LAMA1: variants seen among roughly 807,000 people sequenced by gnomAD.
LAMA1 encodes laminin subunit alpha-1.
LAMA1 carries 219 observed loss-of-function variants against 348.7 expected under a neutral mutation model. The ratio of observed to expected loss-of-function variants is 0.63; its 90% CI spans 0.56 to 0.70. The LOEUF (loss-of-function observed/expected upper bound fraction) is 0.70, where lower values mean the gene tolerates loss of function less well. LAMA1 is among the 30% of genes least tolerant of loss of function. LAMA1 has a pLI of 0.00. For missense variants in LAMA1, 3,744 were observed against 3,888.0 expected (o/e 0.96, Z 0.99); for synonymous variants, 1,487 against 1,491.0 (o/e 1.00, Z 0.06).
intron 1 of LAMA1, among the ~76,000 whole-genome samples, chr18:7,112,229 T>C (rs933558155): frequency 6.6e-6 from 1 of 152,172 alleles, no homozygotes. Flanking sequence ...AAGCCCTACT[T>C]GGAAGGACAA....
At chr18:7,009,149 T>C (rs1284722922) in intron 27 of LAMA1, 90 bp downstream of exon 27, 7 of 1,371,188 alleles carry the variant, frequency 5.1e-6, no homozygotes, top group Non-Finnish European at 7.3e-6. Context: ...TTAATAAAAA[T>C]AGTAGGTAAT....
chr18:7,040,199 A>G lies in LAMA1; in HGVS notation c.1299T>C (p.Tyr433=). Residue 433 remains tyrosine, a synonymous_variant, in exon 10 of 63, where the codon TAT becomes TAC. Coordinates refer to ENST00000389658, the MANE Select transcript of LAMA1 (RefSeq NM_005559.4). ...GGCAGCGATCACATTTTTCTCCTGT[A>G]TAACCTTCCTTACATGGGCACTGAC... is the stretch of plus-strand genomic sequence containing the variant. ...QPGQCPCKEG[Y]TGEKCDRCQL... The G allele has an allele frequency of 1.9e-6, 3 of 1,614,156 alleles. No homozygotes were observed. Among genetic ancestry groups the G allele is most frequent in the Non-Finnish European group, 2.5e-6 (3 of 1,180,028 alleles).
chr18:6,961,907 T>G, intron 52 of LAMA1, 38 bp downstream of exon 52: 1 of 1,581,386 alleles, frequency 6.3e-7, no homozygotes, highest in Non-Finnish European at 8.7e-7. Flanking sequence ...TGGACACTTA[T>G]GGAAACTCAT....
At chr18:7,028,306 T>A (rs1216312308) in intron 16 of LAMA1, among the ~76,000 whole-genome samples, 1 of 152,110 alleles carries the variant, frequency 6.6e-6, no homozygotes, top group Admixed American at 6.6e-5. Flanking sequence ...AGAAGCTCAA[T>A]AAACCCCAGC....
At position 7,016,591 on chromosome 18, in the gene LAMA1, G is replaced by A. The variant is rs777663828; in HGVS notation, c.2889C>T (p.Cys963=). 1 of 1,614,156 alleles carries A rather than the reference G, an allele frequency of 6.2e-7. No homozygotes were observed. The highest frequency in any genetic ancestry group is 8.5e-7 in the Non-Finnish European group (1 of 1,180,034). Residue 963 remains cysteine (C), a synonymous_variant, in exon 21 of 63, where the codon TGC becomes TGT. Coordinates refer to ENST00000389658, the MANE Select transcript of LAMA1 (RefSeq NM_005559.4). ...CSVAGSVSDG[C]TDEGQCHCVP... is the part of the protein sequence containing the mutation. ...CACAGTGACACTGGCCTTCATCCGT[G>A]CAGCCATCTGACACGGAGCCTGCCA...
At position 6,986,296 on chromosome 18, in the gene LAMA1, C is replaced by T. The variant is rs1265211638; in HGVS notation, c.5220G>A (p.Leu1740=). ...SQIQENYQKP[L]EELEVLKEAA... ...CTTCTTTCAATACCTCCAATTCTTC[C>T]AGCGGCTTCTGGTAATTTTCCTGAA... The change falls in exon 37 of 63, where the codon CTG becomes CTA. Residue 1740 remains leucine (L), a synonymous_variant. Transcript: ENST00000389658. 6.2e-7 allele frequency: 1 copy of T among 1,614,190 alleles called. No individual in the cohort carries two copies. The highest frequency in any genetic ancestry group is 1.3e-5 in the African/African-American group (1 of 75,040).
At chr18:7,108,470 C>G (rs138242733) in intron 1 of LAMA1, among the ~76,000 whole-genome samples, 2,202 of 151,476 alleles carry the variant, frequency 0.015, 56 homozygotes, top group African/African-American at 0.05. Flanking sequence ...AGACCAGCCC[C>G]GCCAACATGG....
rs201345823 is a variant in LAMA1, at chr18:6,955,501, C to T, written c.8095-36G>A. 1,974 of 1,528,218 alleles carry T rather than the reference C, an allele frequency of 1.3e-3. 3 individuals are homozygous for T. The highest frequency in any genetic ancestry group is 1.6e-3 in the Non-Finnish European group (1,733 of 1,103,650). The allele number at this position is 1,528,218 out of a possible 1,614,324, so 94.7% of individuals were successfully genotyped here. On this transcript the variant is annotated intron_variant, in intron 56 of 62. Transcript: ENST00000389658. ...CACACAGGGACACTCAGCCGCCACC[C>T]GCAGCCCGAACCCCACTGACACACG...
At chr18:7,088,408 C>T (rs1036190796) in intron 1 of LAMA1, among the ~76,000 whole-genome samples, 3 of 152,034 alleles carry the variant, frequency 2.0e-5, no homozygotes, top group African/African-American at 7.2e-5. Context: ...TAACACTGAA[C>T]GGGTTATGTA....
intron 36 of LAMA1, among the ~76,000 whole-genome samples, chr18:6,987,274 G>A (rs1488451718): frequency 1.3e-5 from 2 of 152,156 alleles, no homozygotes; most frequent in African/African-American, 4.8e-5. Context: ...CTGTGTTGAT[G>A]GGAACTGCAA....
At chr18:6,948,327 T>C (rs992678480) in intron 60 of LAMA1, 76 bp downstream of exon 60, 14 of 1,590,376 alleles carry the variant, frequency 8.8e-6, no homozygotes, top group Non-Finnish European at 1.1e-5. Context: ...GGTCCTGTCT[T>C]ATACTCTTGG....
chr18:7,034,737 G>T, intron 13 of LAMA1, 47 bp from the exon 14 acceptor site: 1 of 1,539,204 alleles, frequency 6.5e-7, no homozygotes, highest in South Asian at 1.2e-5. Context: ...TCAATTTAAT[G>T]ATAAAATAAA....
At chr18:7,053,939 C>A (rs1401472549) in intron 3 of LAMA1, among the ~76,000 whole-genome samples, 1 of 151,848 alleles carries the variant, frequency 6.6e-6, no homozygotes, top group African/African-American at 2.4e-5. Context: ...CCTGGCTAAT[C>A]TTTGTATTTT....
In LAMA1 at chr18:7,105,576, G is replaced by A. The variant is rs544480708; in HGVS notation, c.61+12084C>T. Among the ~76,000 whole-genome samples, 6 of 152,338 alleles carry A rather than the reference G, an allele frequency of 3.9e-5. No homozygotes were observed. In the East Asian group the frequency reaches 1.2e-3, roughly 29 times the overall value. ...GAGAAGGTGCAAGAGGAGATCAGCA[G>A]GTTGTATAAGGGAAGAAGGGGGTGG... is the stretch of plus-strand genomic sequence containing the variant. On this transcript the variant is annotated intron_variant, in intron 1 of 62. Coordinates refer to ENST00000389658, the MANE Select transcript of LAMA1 (RefSeq NM_005559.4).
intron 19 of LAMA1, 135 bp downstream of exon 19, chr18:7,023,029 C>A: frequency 1.1e-6 from 1 of 917,362 alleles, no homozygotes; most frequent in Non-Finnish European, 1.7e-6. Context: ...TGATCAGAGA[C>A]CCAGCATTAA....
Position 7,042,218 on chromosome 18 carries a change from G to A in LAMA1, c.1188C>T (p.Pro396=), listed in dbSNP as rs746208332. ...GGGACCCCACAGGGTCACAATTACA[G>A]GGGCGGCAAGGCTCATCCTCATAAG... is the stretch of plus-strand genomic sequence containing the variant. ...VSPYEDEPCR[P]CNCDPVGSLS... The change falls in exon 9 of 63, where the codon CCC becomes CCT. Residue 396 remains proline (P), a synonymous_variant. Transcript: ENST00000389658. The A allele has an allele frequency of 4.3e-6, 7 of 1,611,844 alleles. No homozygotes were observed. Among genetic ancestry groups the A allele is most frequent in the Non-Finnish European group, 4.2e-6 (5 of 1,178,708 alleles).
In LAMA1 at chr18:7,026,503, C is replaced by T. The variant is rs760285601; in HGVS notation, c.2275-397G>A. ...TTTTTTAGTTGCAAAAGGAAAGAAT[C>T]GTTCATATATAGTGGAAAAATTGAC... On this transcript the variant is annotated intron_variant, in intron 16 of 62. Coordinates refer to ENST00000389658, the MANE Select transcript of LAMA1 (RefSeq NM_005559.4). Among the ~76,000 whole-genome samples, 12 of 152,150 alleles carry T rather than the reference C, an allele frequency of 7.9e-5. No homozygotes were observed. In the Middle Eastern group the frequency reaches 0.01, roughly 129 times the overall value.
At position 7,012,282 on chromosome 18, in the gene LAMA1, G is replaced by A. The variant is rs147731060; in HGVS notation, c.3364-144C>T. 5.1e-3 allele frequency: 4,199 copies of A among 830,132 alleles called. 20 individuals are homozygous for A. The highest frequency in any genetic ancestry group is 0.012 in the Admixed American group (575 of 48,702). 51.4% of individuals were successfully genotyped at this position (830,132 alleles called of 1,614,324 possible). On this transcript the variant is annotated intron_variant, in intron 23 of 62. Coordinates refer to ENST00000389658, the MANE Select transcript of LAMA1 (RefSeq NM_005559.4). The stretch of plus-strand genomic sequence containing the variant: ...TTAGTTTCCTCTAGCCAGGCCCGGA[G>A]CTTTCTGAGTGTCAGTTTTCTCAAA...
Position 7,010,368 on chromosome 18 carries a change from GCCA to G in LAMA1, c.3702_3704del (p.Gly1235del). On this transcript the variant is annotated inframe_deletion, in exon 26 of 63. Transcript: ENST00000389658. ...AGAAGGCCACGCTGTACTTCAGTTT[GCCA>G]CCATAGGCCATGAGCTATCAAATAA... 1 of 1,614,022 alleles carries G rather than the reference GCCA, an allele frequency of 6.2e-7. No homozygotes were observed. The highest frequency in any genetic ancestry group is 8.5e-7 in the Non-Finnish European group (1 of 1,180,028).
Sources: gnomAD v4.1 joint callset for allele counts (sites outside exome capture counted in the v4.1 genomes callset) on GRCh38, gnomAD v4.1.1 for gene constraint, MANE v1.5 for transcripts, NCBI Gene and HGNC (gene_info 2026-07-23, HGNC 2026-07-21) for gene names.